MAN2A1: variants seen among roughly 807,000 people sequenced by gnomAD.
MAN2A1 encodes alpha-mannosidase 2.
A neutral mutation model predicts 142.6 loss-of-function variants in MAN2A1; 76 were observed. The ratio of observed to expected loss-of-function variants is 0.53; its 90% confidence interval spans 0.44 to 0.65. The LOEUF (loss-of-function observed/expected upper bound fraction) is 0.65, where lower values mean the gene tolerates loss of function less well. MAN2A1 is among the 30% of genes least tolerant of loss of function. The pLI, the probability that MAN2A1 is intolerant of heterozygous loss-of-function variation, is 0.00. For missense variants in MAN2A1, 1,311 were observed against 1,365.1 expected (o/e 0.96, Z 0.62); for synonymous variants, 559 against 473.2 (o/e 1.18, Z -2.35).
chr5:109,722,613 A>G (rs908735290), intron 3 of MAN2A1, among the ~76,000 whole-genome samples: 2 of 152,042 alleles, frequency 1.3e-5, no homozygotes, highest in African/African-American at 4.8e-5. Context: ...ATGGGGTTTC[A>G]CCATGTTGGC....
At chr5:109,770,242 A>T in intron 6 of MAN2A1, 113 bp from the exon 7 acceptor site, 1 of 971,918 alleles carries the variant, frequency 1.0e-6, no homozygotes. Context: ...GGGGCTGCTG[A>T]TTTAGCACAG....
At chr5:109,751,051 C>G (rs895502299) in intron 4 of MAN2A1, among the ~76,000 whole-genome samples, 12 of 152,168 alleles carry the variant, frequency 7.9e-5, no homozygotes, top group Middle Eastern at 3.4e-3. Context: ...CCCTACTCTG[C>G]TGTCGAACAT....
chr5:109,765,028 G>A (rs1377661056), intron 5 of MAN2A1, among the ~76,000 whole-genome samples: 2 of 152,028 alleles, frequency 1.3e-5, no homozygotes, highest in Admixed American at 6.5e-5. Context: ...TAAGAAATAA[G>A]GACACTTTTA....
intron 7 of MAN2A1, among the ~76,000 whole-genome samples, chr5:109,772,677 T>C (rs958094373): frequency 3.9e-5 from 6 of 152,106 alleles, no homozygotes; most frequent in Non-Finnish European, 8.8e-5. Flanking sequence ...CGACTAATTG[T>C]TTTAAAAAAT....
intron 1 of MAN2A1, among the ~76,000 whole-genome samples, chr5:109,695,452 C>G (rs1270259584): frequency 6.6e-6 from 1 of 152,148 alleles, no homozygotes; most frequent in Non-Finnish European, 1.5e-5. Context: ...TAACTGAAAA[C>G]TTTAGTCTTT....
At chr5:109,794,200 A>G (rs904030409) in intron 12 of MAN2A1, 3 of 152,160 alleles carry the variant, frequency 2.0e-5, no homozygotes, top group Non-Finnish European at 4.4e-5. Context: ...CGGAAGTGAG[A>G]TTCCATGACT....
chr5:109,770,281 T>C, intron 6 of MAN2A1, 74 bp from the exon 7 acceptor site: 2 of 1,363,498 alleles, frequency 1.5e-6, no homozygotes, highest in Non-Finnish European at 2.1e-6. Flanking sequence ...TTGTGTAAAG[T>C]AATGACATTT....
chr5:109,701,808 A>T (rs567623643), intron 1 of MAN2A1, among the ~76,000 whole-genome samples: 1 of 152,294 alleles, frequency 6.6e-6, no homozygotes, highest in Admixed American at 6.5e-5. Context: ...TGAATCAGAA[A>T]ATTTCTCCTA....
intron 10 of MAN2A1, among the ~76,000 whole-genome samples, chr5:109,787,575 G>A (rs1048816460): frequency 1.3e-5 from 2 of 151,998 alleles, no homozygotes; most frequent in Non-Finnish European, 2.9e-5. Flanking sequence ...GTGATATACT[G>A]TAGTCTTTAG....
intron 8 of MAN2A1, among the ~76,000 whole-genome samples, chr5:109,777,783 A>G (rs181526349): frequency 6.8e-4 from 104 of 152,188 alleles, no homozygotes; most frequent in African/African-American, 2.4e-3. Context: ...TTATATAGAT[A>G]TCCAGCACCA....
intron 13 of MAN2A1, among the ~76,000 whole-genome samples, chr5:109,818,345 T>C (rs911946218): frequency 2.6e-5 from 4 of 152,028 alleles, no homozygotes; most frequent in Non-Finnish European, 5.9e-5. Flanking sequence ...ACCATGTTGG[T>C]TGGGCTGGTC....
chr5:109,708,248 G>T (rs555186530), intron 1 of MAN2A1, among the ~76,000 whole-genome samples: 1 of 152,060 alleles, frequency 6.6e-6, no homozygotes, highest in Admixed American at 6.5e-5. Flanking sequence ...CTGAGATGAC[G>T]GATAAGGTAA....
intron 12 of MAN2A1, among the ~76,000 whole-genome samples, chr5:109,806,800 C>G (rs1235772054): frequency 6.6e-6 from 1 of 152,180 alleles, no homozygotes; most frequent in Non-Finnish European, 1.5e-5. Context: ...CATTTGATCA[C>G]ACATGCAGCA....
Position 109,779,390 on chromosome 5 carries a change from C to T in MAN2A1, c.1375-2006C>T, listed in dbSNP as rs1224342800. ...TGGTTTTTATTGTCTAAATAAAATCCTTTGTTTTATGTTTGAGGAAAGTGA... is the reference window on the plus strand; with the variant it reads ...TGGTTTTTATTGTCTAAATAAAATCTTTTGTTTTATGTTTGAGGAAAGTGA... On this transcript the variant is annotated intron_variant, in intron 8 of 21. Transcript: ENST00000261483. Among the ~76,000 whole-genome samples the T allele has an allele frequency of 2.0e-5, 3 of 151,802 alleles. No homozygotes were observed. The East Asian group carries it at 5.8e-4, about 29-fold the overall frequency.
At chr5:109,861,156 C>T (rs946997015) in intron 20 of MAN2A1, among the ~76,000 whole-genome samples, 1 of 152,094 alleles carries the variant, frequency 6.6e-6, no homozygotes, top group Non-Finnish European at 1.5e-5. Flanking sequence ...CAGGCTACTC[C>T]TTAGTAACAT....
intron 3 of MAN2A1, among the ~76,000 whole-genome samples, chr5:109,724,211 A>G (rs1019108259): frequency 6.6e-6 from 1 of 152,142 alleles, no homozygotes; most frequent in African/African-American, 2.4e-5. Context: ...CCTGTTCGTC[A>G]TTTTTTCATA....
intron 3 of MAN2A1, among the ~76,000 whole-genome samples, chr5:109,726,788 T>A (rs1751756823): frequency 6.6e-6 from 1 of 152,204 alleles, no homozygotes; most frequent in Non-Finnish European, 1.5e-5. Context: ...CCTTTTATGC[T>A]AGATTACTGG....
chr5:109,802,568 A>G (rs1014524086), intron 12 of MAN2A1, among the ~76,000 whole-genome samples: 19 of 152,144 alleles, frequency 1.2e-4, no homozygotes, highest in African/African-American at 4.6e-4. Flanking sequence ...GATTCTTCTA[A>G]ATGGCATTGA....
At chr5:109,848,732 C>A (rs35865336) in intron 19 of MAN2A1, among the ~76,000 whole-genome samples, 2,118 of 152,278 alleles carry the variant, frequency 0.014, 31 homozygotes, top group East Asian at 0.064. Flanking sequence ...TCCAACACTT[C>A]CTGGGAGATT....
Sources: gnomAD v4.1 joint callset for allele counts (sites outside exome capture counted in the v4.1 genomes callset) on GRCh38, gnomAD v4.1.1 for gene constraint, MANE v1.5 for transcripts, NCBI Gene and HGNC (gene_info 2026-07-23, HGNC 2026-07-21) for gene names.